Variants in MRTFB observed in about 807,000 individuals in gnomAD.
MRTFB encodes the protein myocardin-related transcription factor B.
In MRTFB, 29 loss-of-function variants were observed where a neutral mutation model predicts 104.2. The ratio of observed to expected loss-of-function variants is 0.28; its 90% CI spans 0.21 to 0.38. The LOEUF (loss-of-function observed/expected upper bound fraction) is 0.38, where lower values mean the gene tolerates loss of function less well. Among genes scored for constraint, MRTFB ranks in the 10% least tolerant of loss-of-function variants. The pLI, the probability that MRTFB is intolerant of heterozygous loss-of-function variation, is 1.00. For synonymous variants in MRTFB, 535 were observed against 519.5 expected, an observed-to-expected ratio of 1.03 and a Z score of -0.41; for missense variants, 1,270 against 1,341.6, an observed-to-expected ratio of 0.95 and a Z score of 0.83.
At chr16:14,173,785 A>G (rs2039495882) in intron 3 of MRTFB, among the ~76,000 whole-genome samples, 1 of 152,000 alleles carries the variant, frequency 6.6e-6, no homozygotes, top group Non-Finnish European at 1.5e-5. Context: ...TCTTTGTCAT[A>G]TACTTTATTT....
At chr16:14,243,877 T>TTTTTTTTTTTTTTTTTTTTTTG (rs2042894087) in intron 10 of MRTFB, among the ~76,000 whole-genome samples, 1 of 147,638 alleles carries the variant, frequency 6.8e-6, no homozygotes, top group Admixed American at 6.6e-5. Context: ...TTTTTTTTTT[T>TTTTTTTTTTTTTTTTTTTTTTG]GAGACAGAGT....
At chr16:14,226,263 A>T (rs1193055407) in intron 8 of MRTFB, among the ~76,000 whole-genome samples, 1 of 152,224 alleles carries the variant, frequency 6.6e-6, no homozygotes, top group East Asian at 1.9e-4. Context: ...CTTGAATTTT[A>T]AAAAAGTTAG....
At position 14,247,401 on chromosome 16, in the gene MRTFB, C is replaced by T; in HGVS notation, c.2141C>T (p.Pro714Leu). 6.2e-7 allele frequency: 1 copy of T among 1,613,328 alleles called. No individual in the cohort carries two copies. The highest frequency in any genetic ancestry group is 8.5e-7 in the Non-Finnish European group (1 of 1,180,030). Residue 714 changes from proline (P) to leucine (L), a missense_variant, in exon 12 of 17, where the codon CCC becomes CTC. Physicochemically the swap from Pro to Leu is moderately conservative, Grantham distance 98. Coordinates refer to ENST00000571589, the MANE Select transcript of MRTFB (RefSeq NM_001308142.2). The part of the protein sequence containing the change: ...GQPPPAVVAQ[P>L]QALLTTQTAQ... ...CCACCGCCTGCTGTTGTTGCTCAGC[C>T]CCAGGCTTTACTGACCACGCAGACT...
chr16:14,215,659 C>T (rs1202884139), intron 6 of MRTFB, among the ~76,000 whole-genome samples: 1 of 152,210 alleles, frequency 6.6e-6, no homozygotes, highest in Non-Finnish European at 1.5e-5. Flanking sequence ...TGTTCTGATT[C>T]TCCCCAAGTA....
At chr16:14,259,070 A>G (rs904820914) in intron 16 of MRTFB, among the ~76,000 whole-genome samples, 1 of 98,466 alleles carries the variant, frequency 1.0e-5, no homozygotes, top group Non-Finnish European at 2.2e-5. Flanking sequence ...GACATAGAGA[A>G]TTGATATTTG....
chr16:14,114,917 A>T lies in MRTFB; in HGVS notation c.-63-25627A>T, dbSNP rs111664915. 6.2e-3 allele frequency among the ~76,000 whole-genome samples: 938 copies of T among 152,320 alleles called. 9 individuals carry two copies. The highest frequency in any genetic ancestry group is 0.021 in the African/African-American group (883 of 41,570). ...AATCGCTGTATTTTTCAGCACCTACAATAAATAGTGCCTGGCACACAGAAA... is the reference window on the plus strand; with the variant it reads ...AATCGCTGTATTTTTCAGCACCTACTATAAATAGTGCCTGGCACACAGAAA... On this transcript the variant is annotated intron_variant, in intron 2 of 16. Coordinates refer to ENST00000571589, the MANE Select transcript of MRTFB (RefSeq NM_001308142.2).
intron 8 of MRTFB, among the ~76,000 whole-genome samples, chr16:14,233,393 A>G (rs1329138112): frequency 6.6e-6 from 1 of 152,152 alleles, no homozygotes; most frequent in East Asian, 1.9e-4. Context: ...TTCGGGAAGG[A>G]TGCTGCCGGA....
intron 3 of MRTFB, chr16:14,141,695 T>G (rs1377893179): frequency 6.6e-6 from 1 of 152,152 alleles, no homozygotes; most frequent in Non-Finnish European, 1.5e-5. Context: ...TTTAGGAAAG[T>G]GGATTAAAAA....
intron 3 of MRTFB, among the ~76,000 whole-genome samples, chr16:14,176,736 A>G (rs1255847779): frequency 6.6e-6 from 1 of 152,230 alleles, no homozygotes; most frequent in East Asian, 1.9e-4. Context: ...AGAGAGAGCT[A>G]TTGAGTGGAA....
At chr16:14,178,409 T>G (rs1278723954) in intron 3 of MRTFB, among the ~76,000 whole-genome samples, 3 of 152,174 alleles carry the variant, frequency 2.0e-5, no homozygotes, top group Admixed American at 6.5e-5. Flanking sequence ...GGAAACATTT[T>G]AGAGTTTATA....
Position 14,261,127 on chromosome 16 carries a change from G to C in MRTFB, c.2983G>C (p.Glu995Gln). ...GGATGGAACTTTACCCTCAGCCAAT[G>C]AAATTCCTCCACTACAAAGCAGCAG... ...FLDGTLPSAN[E>Q]IPPLQSSSED... Residue 995 changes from glutamate to glutamine, a missense_variant, in exon 17 of 17, where the codon GAA (glutamate) becomes CAA (glutamine). This residue lies in a region of MRTFB where 1,144 missense variants were observed against 1,131.5 expected (regional missense o/e 1.01). Transcript: ENST00000571589. The C allele has an allele frequency of 6.2e-7, 1 of 1,614,204 alleles. No homozygotes were observed. The highest frequency in any genetic ancestry group is 8.5e-7 in the Non-Finnish European group (1 of 1,180,046).
At chr16:14,238,848 G>C (rs2042638860) in intron 9 of MRTFB, among the ~76,000 whole-genome samples, 1 of 152,198 alleles carries the variant, frequency 6.6e-6, no homozygotes, top group Non-Finnish European at 1.5e-5. Flanking sequence ...TTATTTACCA[G>C]TGTTTAAAAA....
chr16:14,201,495 C>G (rs776260161), intron 3 of MRTFB, among the ~76,000 whole-genome samples: 1 of 152,090 alleles, frequency 6.6e-6, no homozygotes, highest in Non-Finnish European at 1.5e-5. Flanking sequence ...GGGGAAATTT[C>G]TTAGATGTTT....
intron 3 of MRTFB, chr16:14,143,109 G>A (rs1452073084): frequency 6.7e-6 from 1 of 148,266 alleles, no homozygotes. Flanking sequence ...TGTCTCTTTG[G>A]TTTGAGTTAC....
chr16:13,995,176 C>T, the MRTFB span, among the ~76,000 whole-genome samples: 2 of 152,150 alleles, frequency 1.3e-5, no homozygotes, highest in Non-Finnish European at 2.9e-5. Flanking sequence ...CTCAGATGTC[C>T]CCCAGTAAGG....
chr16:14,005,978 C>T, the MRTFB span, among the ~76,000 whole-genome samples: 6 of 152,200 alleles, frequency 3.9e-5, no homozygotes, highest in South Asian at 4.1e-4. Flanking sequence ...GAGGCTGAGG[C>T]GGGTGGGTCA....
the MRTFB span, among the ~76,000 whole-genome samples, chr16:14,061,148 A>G: frequency 6.6e-6 from 1 of 152,058 alleles, no homozygotes; most frequent in South Asian, 2.1e-4. Flanking sequence ...TCCGTCTCAA[A>G]AAAAAAACAA....
At chr16:14,047,478 G>A in the MRTFB span, among the ~76,000 whole-genome samples, 33 of 152,164 alleles carry the variant, frequency 2.2e-4, no homozygotes, top group East Asian at 9.6e-4. Flanking sequence ...TAAGGAGAAG[G>A]GCACTATATT....
At chr16:14,021,908 T>A in the MRTFB span, among the ~76,000 whole-genome samples, 1 of 152,182 alleles carries the variant, frequency 6.6e-6, no homozygotes, top group African/African-American at 2.4e-5. Flanking sequence ...TTTCGTATAA[T>A]GACTTATTTC....
Sources: allele counts gnomAD v4.1 joint callset (sites outside exome capture counted in the v4.1 genomes callset), GRCh38; gene constraint gnomAD v4.1.1; regional missense constraint gnomAD v4.1.1; transcripts MANE v1.5; gene names NCBI Gene and HGNC (gene_info 2026-07-23, HGNC 2026-07-21).